Variants in GABRB1 observed in about 807,000 individuals in gnomAD.
The protein encoded by GABRB1 is gamma-aminobutyric acid type A receptor subunit beta1, also known as gamma-aminobutyric acid receptor subunit beta-1.
Under a neutral mutation model 51.6 loss-of-function variants are expected in GABRB1, and 17 were observed. The ratio of observed to expected loss-of-function variants is 0.33; its 90% confidence interval spans 0.23 to 0.49. The LOEUF is 0.49. Among genes scored for constraint, GABRB1 ranks in the 20% least tolerant of loss-of-function variants. GABRB1 has a pLI of 0.99. For missense variants in GABRB1, 410 were observed against 600.6 expected (o/e 0.68, Z 3.32); for synonymous variants, 247 against 218.9 (o/e 1.13, Z -1.14).
chr4:47,146,089 GT>G (rs1234862865), intron 3 of GABRB1, among the ~76,000 whole-genome samples: 2 of 152,040 alleles, frequency 1.3e-5, no homozygotes, highest in African/African-American at 4.8e-5. Context: ...TCTGCATTAT[GT>G]TTGCAGGTAT....
chr4:47,285,325 G>T (rs1295789909), intron 4 of GABRB1, among the ~76,000 whole-genome samples: 1 of 152,136 alleles, frequency 6.6e-6, no homozygotes, highest in Non-Finnish European at 1.5e-5. Context: ...TGTTTACTAT[G>T]CATAGCTTCC....
intron 4 of GABRB1, among the ~76,000 whole-genome samples, chr4:47,277,577 A>G (rs541070287): frequency 6.6e-6 from 1 of 152,200 alleles, no homozygotes; most frequent in African/African-American, 2.4e-5. Flanking sequence ...TGATGTGTTT[A>G]TTTCACATTG....
At chr4:47,058,973 G>A (rs985463093) in intron 3 of GABRB1, among the ~76,000 whole-genome samples, 6 of 152,158 alleles carry the variant, frequency 3.9e-5, no homozygotes, top group African/African-American at 1.4e-4. Context: ...CAATGCTGAA[G>A]TCCATCTTAT....
At chr4:47,067,453 C>A (rs941743822) in intron 3 of GABRB1, among the ~76,000 whole-genome samples, 1 of 152,156 alleles carries the variant, frequency 6.6e-6, no homozygotes, top group Non-Finnish European at 1.5e-5. Flanking sequence ...GCTGTTTCAT[C>A]TACATTTAGA....
At chr4:47,332,458 A>T (rs562227824) in intron 5 of GABRB1, among the ~76,000 whole-genome samples, 2 of 152,348 alleles carry the variant, frequency 1.3e-5, no homozygotes, top group South Asian at 2.1e-4. Context: ...TCTATGAACA[A>T]CATCCACATA....
intron 3 of GABRB1, among the ~76,000 whole-genome samples, chr4:47,142,097 A>G (rs181946689): frequency 1.3e-3 from 202 of 152,044 alleles, no homozygotes; most frequent in Non-Finnish European, 2.0e-3. Context: ...ATTTCAATAA[A>G]TGTGATAAAT....
chr4:47,110,065 A>G (rs1715152915), intron 3 of GABRB1, among the ~76,000 whole-genome samples: 1 of 152,148 alleles, frequency 6.6e-6, no homozygotes, highest in Admixed American at 6.5e-5. Context: ...CAAGACCTAA[A>G]AAAGAGATGA....
intron 3 of GABRB1, among the ~76,000 whole-genome samples, chr4:47,157,235 TAA>T (rs1717748155): frequency 6.6e-6 from 1 of 152,078 alleles, no homozygotes; most frequent in Non-Finnish European, 1.5e-5. Flanking sequence ...GGAACACTTG[TAA>T]ACTCACCTAG....
At chr4:47,030,233 A>C (rs139161636), upstream of GABRB1, among the ~76,000 whole-genome samples, 185 of 152,262 alleles carry the variant, frequency 1.2e-3, no homozygotes, top group African/African-American at 4.3e-3. Flanking sequence ...CTTCTTGTGC[A>C]TATTTTTCCC....
intron 1 of GABRB1, among the ~76,000 whole-genome samples, chr4:47,000,470 C>A (rs1008042939): frequency 2.0e-5 from 3 of 152,180 alleles, no homozygotes; most frequent in African/African-American, 4.8e-5. Flanking sequence ...GAGCAAAGCA[C>A]TATAAAACTT....
intron 5 of GABRB1, among the ~76,000 whole-genome samples, chr4:47,331,939 G>T (rs1725500470): frequency 6.6e-6 from 1 of 152,148 alleles, no homozygotes; most frequent in African/African-American, 2.4e-5. Flanking sequence ...AGTCTCTTGA[G>T]AAAACTTGCT....
At chr4:47,094,676 G>A (rs922790418) in intron 3 of GABRB1, among the ~76,000 whole-genome samples, 4 of 151,696 alleles carry the variant, frequency 2.6e-5, no homozygotes, top group African/African-American at 9.7e-5. Context: ...TTAATACTTG[G>A]GTGGTGAAAT....
At chr4:47,163,627 A>G (rs1219409557) in intron 4 of GABRB1, among the ~76,000 whole-genome samples, 1 of 152,032 alleles carries the variant, frequency 6.6e-6, no homozygotes, top group Non-Finnish European at 1.5e-5. Flanking sequence ...ACAGAAGCCC[A>G]AACCTCAGCA....
rs111492258 is a variant in GABRB1, at chr4:47,116,458, A to T, written c.241-44791A>T. Among the ~76,000 whole-genome samples the T allele has an allele frequency of 2.3e-3, 350 of 152,316 alleles. 1 individual carries two copies. The highest frequency in any genetic ancestry group is 7.9e-3 in the African/African-American group (328 of 41,568). On this transcript the variant is annotated intron_variant, in intron 3 of 8. Coordinates refer to ENST00000295454, the MANE Select transcript of GABRB1 (RefSeq NM_000812.4). ...TGTCTTTAGACATGCAGAGAATATC[A>T]CTATAACATAATGTTTAGTACTACA... is the stretch of plus-strand genomic sequence containing the variant.
chr4:47,202,321 G>A (rs1003492384), intron 4 of GABRB1, among the ~76,000 whole-genome samples: 1 of 152,076 alleles, frequency 6.6e-6, no homozygotes, highest in African/African-American at 2.4e-5. Flanking sequence ...TAAGTTTCCT[G>A]AGGCCTCCCC....
chr4:47,416,728 G>A (rs1009193377), intron 8 of GABRB1, among the ~76,000 whole-genome samples: 2 of 151,978 alleles, frequency 1.3e-5, no homozygotes, highest in African/African-American at 2.4e-5. Flanking sequence ...CTGGGATTAC[G>A]TGCATGAGCC....
At chr4:47,225,621 C>T (rs984469688) in intron 4 of GABRB1, among the ~76,000 whole-genome samples, 4 of 152,050 alleles carry the variant, frequency 2.6e-5, no homozygotes, top group Admixed American at 6.6e-5. Context: ...TCATTCTATG[C>T]TTATTCTAGG....
At chr4:47,384,318 T>C (rs541219217) in intron 5 of GABRB1, among the ~76,000 whole-genome samples, 1 of 152,164 alleles carries the variant, frequency 6.6e-6, no homozygotes, top group Non-Finnish European at 1.5e-5. Context: ...GTTGAGGATT[T>C]TTTTTAGATT....
chr4:47,281,840 T>A (rs1056761947), intron 4 of GABRB1, among the ~76,000 whole-genome samples: 1 of 152,010 alleles, frequency 6.6e-6, no homozygotes, highest in African/African-American at 2.4e-5. Context: ...AAAATCAATC[T>A]CATAGAGAAA....
Sources: gnomAD v4.1 joint callset for allele counts (sites outside exome capture counted in the v4.1 genomes callset) on GRCh38, gnomAD v4.1.1 for gene constraint, MANE v1.5 for transcripts, NCBI Gene and HGNC (gene_info 2026-07-23, HGNC 2026-07-21) for gene names.